MYOM2: variants seen among roughly 807,000 people sequenced by gnomAD.
MYOM2 encodes the protein myomesin-2.
MYOM2 carries 254 observed loss-of-function variants against 187.6 expected under a neutral mutation model. That is an observed-to-expected ratio of 1.35 (90% CI 1.22 to 1.50). The LOEUF (loss-of-function observed/expected upper bound fraction) is 1.50, where lower values mean the gene tolerates loss of function less well. Ranked by LOEUF, MYOM2 falls within the 40% of genes most tolerant of loss-of-function variation. The pLI, the probability that MYOM2 is intolerant of heterozygous loss-of-function variation, is 0.00. For synonymous variants in MYOM2, 981 were observed against 753.8 expected, an observed-to-expected ratio of 1.30 and a Z score of -4.94; for missense variants, 2,796 against 1,924.0, an observed-to-expected ratio of 1.45 and a Z score of -8.48.
chr8:2,079,270 G>A (rs1259018421), intron 12 of MYOM2, among the ~76,000 whole-genome samples: 5 of 152,060 alleles, frequency 3.3e-5, no homozygotes, highest in African/African-American at 1.2e-4. Flanking sequence ...CCTATTCTGA[G>A]TTTTAATTTT....
intron 13 of MYOM2, among the ~76,000 whole-genome samples, chr8:2,081,324 GA>G (rs1819619420): frequency 7.2e-6 from 1 of 139,328 alleles, no homozygotes; most frequent in Admixed American, 7.0e-5. Context: ...AATGAGGTTT[GA>G]TTCTGGCCTG....
At chr8:2,097,070 G>C in intron 18 of MYOM2, 1 of 963,896 alleles carries the variant, frequency 1.0e-6, no homozygotes, top group Non-Finnish European at 1.2e-6. Flanking sequence ...TACAGCTCCC[G>C]TCCGGACTGT....
In MYOM2 at chr8:2,092,339, C is replaced by A; in HGVS notation, c.1829-7C>A. 6.2e-7 allele frequency: 1 copy of A among 1,613,210 alleles called. No individual in the cohort carries two copies. Among genetic ancestry groups the A allele is most frequent in the Non-Finnish European group, 8.5e-7 (1 of 1,179,602 alleles). ...ATTTCACCACTCCTTTTGTCTCCTA[C>A]GAAAAGTTGTCCCTTCTGCTCCGGG... On this transcript the variant is annotated splice_region_variant and splice_polypyrimidine_tract_variant and intron_variant, in intron 15 of 36. Coordinates refer to ENST00000262113, the MANE Select transcript of MYOM2 (RefSeq NM_003970.4).
intron 17 of MYOM2, among the ~76,000 whole-genome samples, chr8:2,095,789 C>A (rs557012272): frequency 3.3e-5 from 5 of 152,262 alleles, no homozygotes; most frequent in South Asian, 4.2e-4. Context: ...TTTGAAGGAA[C>A]CTGAAGTTCC....
intron 11 of MYOM2, chr8:2,076,626 C>A (rs1036141243): frequency 4.7e-6 from 1 of 213,606 alleles, no homozygotes. Flanking sequence ...CGGACAGGGC[C>A]CTGGCTTTAG....
At chr8:2,098,268 G>T (rs1241928639) in intron 18 of MYOM2, among the ~76,000 whole-genome samples, 2 of 152,130 alleles carry the variant, frequency 1.3e-5, no homozygotes, top group Non-Finnish European at 2.9e-5. Flanking sequence ...GTCGAGGCTC[G>T]TAGTGTTGGT....
intron 13 of MYOM2, among the ~76,000 whole-genome samples, chr8:2,084,709 A>G (rs1819748699): frequency 6.6e-6 from 1 of 152,220 alleles, no homozygotes; most frequent in South Asian, 2.1e-4. Flanking sequence ...CAGAATTCAA[A>G]CATGCAGACA....
rs2116729360 is a variant in MYOM2 at position 2,090,208 on chromosome 8, G to C, written c.1828+17G>C. 3.1e-6 allele frequency: 5 copies of C among 1,606,500 alleles called. No individual in the cohort carries two copies. In the East Asian group the frequency reaches 9.0e-5, roughly 29 times the overall value. ...ATGTGACCGGTGAGCTGTCACACTG[G>C]GTGGCCCCAAGTCAGGATGGACTAA... On this transcript the variant is annotated intron_variant, in intron 15 of 36. Transcript: ENST00000262113.
chr8:2,129,055 G>T, intron 31 of MYOM2, 72 bp from the exon 32 acceptor site: 1 of 1,160,914 alleles, frequency 8.6e-7, no homozygotes, highest in South Asian at 1.3e-5. Flanking sequence ...AGGGCTTGCC[G>T]CCGCGATGCT....
Position 2,094,062 on chromosome 8 carries a change from C to G in MYOM2, c.2096C>G (p.Ser699Ter), listed in dbSNP as rs1273162803. 4.3e-6 allele frequency: 7 copies of G among 1,614,172 alleles called. No homozygotes were observed. Among genetic ancestry groups the G allele is most frequent in the East Asian group, 4.5e-5 (2 of 44,880 alleles). The change falls in exon 17 of 37, where the codon TCA becomes TGA. Residue 699 changes from serine to a stop codon, truncating the protein, a stop_gained. Coordinates refer to ENST00000262113, the MANE Select transcript of MYOM2 (RefSeq NM_003970.4). LOFTEE classifies it high-confidence loss of function. ...AVGMSENSQE[S>*]DVIKVQAALT... is the part of the protein sequence containing the mutation. ...GGGATGAGTGAAAATTCCCAGGAAT[C>G]AGACGTCATAAAAGTGCAGGCCGCA...
chr8:2,127,013 G>C (rs969454338), intron 31 of MYOM2, among the ~76,000 whole-genome samples: 10 of 151,796 alleles, frequency 6.6e-5, no homozygotes, highest in African/African-American at 2.4e-4. Flanking sequence ...GAGGCTGATA[G>C]AGGCTGGGGG....
intron 14 of MYOM2, among the ~76,000 whole-genome samples, chr8:2,087,509 G>A (rs1010843174): frequency 1.1e-4 from 17 of 152,282 alleles, no homozygotes; most frequent in Middle Eastern, 3.4e-3. Flanking sequence ...AAATACAAGT[G>A]GTCAGTCCCT....
intron 13 of MYOM2, among the ~76,000 whole-genome samples, chr8:2,081,193 G>A (rs1819613888): frequency 1.0e-5 from 1 of 97,122 alleles, no homozygotes; most frequent in Admixed American, 1.1e-4. Flanking sequence ...GGAGGAACAG[G>A]CAGCCCAGCC....
chr8:2,076,985 A>C (rs1313597018), intron 11 of MYOM2, among the ~76,000 whole-genome samples: 1 of 152,210 alleles, frequency 6.6e-6, no homozygotes, highest in Admixed American at 6.5e-5. Context: ...ATAGTTGAAG[A>C]AAATGAATTT....
rs1798422720 is a variant in MYOM2 at position 2,145,268 on chromosome 8, G to T, written c.*287G>T. ...AGACAACACACTAGAATTTTCACGG[G>T]TGTGGGCACATGGGTGTGGCACCTG... On this transcript the variant is annotated 3_prime_UTR_variant, in exon 37 of 37. Transcript: ENST00000262113. 3 of 530,984 alleles carry T rather than the reference G, an allele frequency of 5.6e-6. No individual in the cohort carries two copies. In the South Asian group the frequency reaches 7.5e-5, roughly 13 times the overall value. 32.9% of individuals were successfully genotyped at this position (530,984 alleles called of 1,614,324 possible). A position where few individuals can be genotyped will look rare whatever the true frequency, so the allele number is the denominator to read the frequency against.
At chr8:2,056,983 G>A (rs866096565) in intron 3 of MYOM2, among the ~76,000 whole-genome samples, 2 of 152,216 alleles carry the variant, frequency 1.3e-5, no homozygotes, top group South Asian at 2.1e-4. Context: ...GACTCTCTGA[G>A]TGGGTGCCTG....
Position 2,109,508 on chromosome 8 carries a change from G to C in MYOM2, c.3157G>C (p.Asp1053His). ...PDASYRFIIN[D>H]REVSDSEIHR... The stretch of plus-strand genomic sequence containing the variant: ...TGCCAGCTACCGATTTATTATTAAC[G>C]ACAGAGAAGTCTCTGACAGCGAGGT... Residue 1053 changes from aspartate (D) to histidine (H), a missense_variant, in exon 25 of 37, where the codon GAC becomes CAC. Asp to His is a moderately conservative substitution (Grantham distance 81). Coordinates refer to ENST00000262113, the MANE Select transcript of MYOM2 (RefSeq NM_003970.4). 4 of 1,612,212 alleles carry C rather than the reference G, an allele frequency of 2.5e-6. No individual in the cohort carries two copies. Among genetic ancestry groups the C allele is most frequent in the Non-Finnish European group, 3.4e-6 (4 of 1,179,220 alleles).
chr8:2,058,613 C>T (rs1378648352), intron 5 of MYOM2, among the ~76,000 whole-genome samples: 3 of 152,144 alleles, frequency 2.0e-5, no homozygotes, highest in East Asian at 1.9e-4. Flanking sequence ...GGTTGGGACT[C>T]TGAGCCACAG....
At chr8:2,048,914 C>G (rs6988574) in intron 1 of MYOM2, among the ~76,000 whole-genome samples, 17,343 of 151,738 alleles carry the variant, frequency 0.11, 2,038 homozygotes, top group African/African-American at 0.3. Flanking sequence ...CTCAGCCTCC[C>G]GAGTAGCTGG....
Sources: allele counts gnomAD v4.1 joint callset (sites outside exome capture counted in the v4.1 genomes callset), GRCh38; gene constraint gnomAD v4.1.1; transcripts MANE v1.5; gene names NCBI Gene and HGNC (gene_info 2026-07-23, HGNC 2026-07-21).